Variants in GPR176 observed in about 807,000 individuals in gnomAD.
GPR176 encodes G protein-coupled receptor 176.
A neutral mutation model predicts 35.4 loss-of-function variants in GPR176; 26 were observed. That is an observed-to-expected ratio of 0.74 (90% confidence interval 0.54 to 1.02). The LOEUF (loss-of-function observed/expected upper bound fraction) is 1.02. Ranked by LOEUF, GPR176 falls within the 50% of genes least tolerant of loss-of-function variation. GPR176 has a pLI of 0.00. For synonymous variants in GPR176, 278 were observed against 271.3 expected (o/e 1.02, Z -0.24); for missense variants, 597 against 665.3 (o/e 0.90, Z 1.13).
At chr15:39,878,135 T>TG (rs1555408567) in intron 1 of GPR176, among the ~76,000 whole-genome samples, 6 of 148,832 alleles carry the variant, frequency 4.0e-5, no homozygotes, top group Non-Finnish European at 9.0e-5. Context: ...TGTGTGTGTG[T>TG]TGAGAACATT....
At chr15:39,903,811 C>T (rs896799107) in intron 1 of GPR176, among the ~76,000 whole-genome samples, 4 of 152,092 alleles carry the variant, frequency 2.6e-5, no homozygotes, top group African/African-American at 9.7e-5. Context: ...GGGTCCAATC[C>T]AGACCCCAAG....
At chr15:39,891,540 T>C (rs1443053366) in intron 1 of GPR176, among the ~76,000 whole-genome samples, 1 of 152,210 alleles carries the variant, frequency 6.6e-6, no homozygotes, top group Non-Finnish European at 1.5e-5. Flanking sequence ...GGTCTCACTA[T>C]GTTTCCCAGT....
intron 1 of GPR176, chr15:39,807,476 T>C: frequency 8.8e-7 from 1 of 1,137,038 alleles, no homozygotes; most frequent in Non-Finnish European, 1.2e-6. Flanking sequence ...GAAAAAATTT[T>C]AGTGGTGAGT....
At chr15:39,802,928 T>A (rs1435067933) in intron 2 of GPR176, among the ~76,000 whole-genome samples, 1 of 152,210 alleles carries the variant, frequency 6.6e-6, no homozygotes, top group South Asian at 2.1e-4. Context: ...AATTAATAGG[T>A]CTAAAATGCC....
rs141340406 is a variant in GPR176, at chr15:39,867,754, G to C, written c.172+52101C>G. 1.8e-4 allele frequency among the ~76,000 whole-genome samples: 28 copies of C among 152,234 alleles called. No homozygotes were observed. The East Asian group carries it at 5.0e-3, about 27-fold the overall frequency. On this transcript the variant is annotated intron_variant, in intron 1 of 2. Coordinates refer to ENST00000561100, the MANE Select transcript of GPR176 (RefSeq NM_007223.3). ...GAGGTCAAACTGACAGGAGAGAAAA[G>C]AGGAAAAGAGTGAAGTGAGGAGTGG...
intron 1 of GPR176, among the ~76,000 whole-genome samples, chr15:39,831,737 T>A (rs944000595): frequency 1.1e-4 from 17 of 152,128 alleles, no homozygotes; most frequent in African/African-American, 4.1e-4. Context: ...CTTGATTGCA[T>A]CCCTCCAGTG....
intron 1 of GPR176, among the ~76,000 whole-genome samples, chr15:39,915,381 T>A (rs1257432827): frequency 6.6e-6 from 1 of 152,178 alleles, no homozygotes; most frequent in Non-Finnish European, 1.5e-5. Context: ...TCTATCCTCA[T>A]GACCTCATCT....
At chr15:39,909,705 C>G (rs1163225555) in intron 1 of GPR176, among the ~76,000 whole-genome samples, 1 of 152,150 alleles carries the variant, frequency 6.6e-6, no homozygotes, top group Non-Finnish European at 1.5e-5. Context: ...TACTGCTTTC[C>G]AATACAAACA....
intron 1 of GPR176, among the ~76,000 whole-genome samples, chr15:39,859,174 A>G (rs138946931): frequency 1.2e-3 from 185 of 152,340 alleles, no homozygotes; most frequent in African/African-American, 4.3e-3. Context: ...TATATTTAAA[A>G]TGATCAAAGA....
At chr15:39,914,321 T>C (rs951688165) in intron 1 of GPR176, among the ~76,000 whole-genome samples, 67 of 145,562 alleles carry the variant, frequency 4.6e-4, no homozygotes, top group Admixed American at 2.9e-3. Flanking sequence ...TTTTTTTTTT[T>C]TTTTTTTTTT....
intron 1 of GPR176, among the ~76,000 whole-genome samples, chr15:39,859,094 G>A (rs150555068): frequency 6.6e-6 from 1 of 152,032 alleles, no homozygotes; most frequent in Non-Finnish European, 1.5e-5. Context: ...AGAATCAGCA[G>A]ACACAAGAAA....
At chr15:39,915,569 T>C (rs2140881851) in intron 1 of GPR176, among the ~76,000 whole-genome samples, 1 of 152,326 alleles carries the variant, frequency 6.6e-6, no homozygotes, top group African/African-American at 2.4e-5. Flanking sequence ...AGCTGATTTC[T>C]CTATTTAAAA....
chr15:39,858,585 C>T (rs1018944546), intron 1 of GPR176, among the ~76,000 whole-genome samples: 1 of 152,032 alleles, frequency 6.6e-6, no homozygotes, highest in Non-Finnish European at 1.5e-5. Flanking sequence ...TGGTGGTGCA[C>T]ACATGTAGTC....
intron 1 of GPR176, among the ~76,000 whole-genome samples, chr15:39,860,528 CCTCT>C (rs769169755): frequency 4.6e-5 from 7 of 152,196 alleles, no homozygotes; most frequent in Admixed American, 3.3e-4. Context: ...GCTTCTACTC[CCTCT>C]GTTAGCTGTA....
intron 1 of GPR176, among the ~76,000 whole-genome samples, chr15:39,882,499 A>G (rs2032514439): frequency 6.6e-6 from 1 of 152,232 alleles, no homozygotes; most frequent in Non-Finnish European, 1.5e-5. Flanking sequence ...GAGACTTTTC[A>G]TGAGTTAACA....
At chr15:39,833,133 G>A (rs907553013) in intron 1 of GPR176, among the ~76,000 whole-genome samples, 3 of 151,952 alleles carry the variant, frequency 2.0e-5, no homozygotes, top group African/African-American at 4.8e-5. Context: ...CCACACATAC[G>A]GCAATTCCAC....
chr15:39,833,177 A>T, intron 1 of GPR176, among the ~76,000 whole-genome samples: 1 of 152,174 alleles, frequency 6.6e-6, no homozygotes. Context: ...AAAGGAAAAC[A>T]TGTCCACATA....
intron 1 of GPR176, among the ~76,000 whole-genome samples, chr15:39,839,272 T>A (rs916343692): frequency 4.6e-5 from 7 of 152,140 alleles, no homozygotes; most frequent in African/African-American, 1.7e-4. Flanking sequence ...AGCTTGGTAC[T>A]GGTACCAAAA....
At chr15:39,903,303 G>A (rs1702735899) in intron 1 of GPR176, among the ~76,000 whole-genome samples, 1 of 152,170 alleles carries the variant, frequency 6.6e-6, no homozygotes, top group Non-Finnish European at 1.5e-5. Flanking sequence ...AAGGCACGAT[G>A]ACCTGAAATT....
Sources: gnomAD v4.1 joint callset for allele counts (sites outside exome capture counted in the v4.1 genomes callset) on GRCh38, gnomAD v4.1.1 for gene constraint, MANE v1.5 for transcripts, NCBI Gene and HGNC (gene_info 2026-07-23, HGNC 2026-07-21) for gene names.